The following WWOX variants were observed in gnomAD, a reference collection of about 807,000 sequenced individuals.
The protein encoded by WWOX is WW domain-containing oxidoreductase.
A neutral mutation model predicts 46.2 loss-of-function variants in WWOX; 69 were observed. The observed-to-expected ratio is 1.49, with a 90% confidence interval of 1.23 to 1.82. The LOEUF is 1.82. WWOX is among the 40% of genes most tolerant of loss of function. The pLI, the probability that WWOX is intolerant of heterozygous loss-of-function variation, is 0.00. For missense variants in WWOX, 919 were observed against 542.6 expected (o/e 1.69, Z -6.89); for synonymous variants, 359 against 202.6 (o/e 1.77, Z -6.56).
intron 8 of WWOX, among the ~76,000 whole-genome samples, chr16:78,732,657 T>C (rs922325899): frequency 6.6e-6 from 1 of 152,184 alleles, no homozygotes; most frequent in Non-Finnish European, 1.5e-5. Flanking sequence ...ACTGTATACT[T>C]AACTAACCAC....
At chr16:78,590,134 A>G (rs535126290) in intron 8 of WWOX, among the ~76,000 whole-genome samples, 1 of 89,964 alleles carries the variant, frequency 1.1e-5, no homozygotes, top group African/African-American at 4.2e-5. Context: ...TCTGATAGAT[A>G]TTAGGCATTC....
At position 78,764,873 on chromosome 16, in the gene WWOX, A is replaced by C. The variant is rs572045087; in HGVS notation, c.1056+332121A>C. 2.0e-5 allele frequency among the ~76,000 whole-genome samples: 3 copies of C among 152,206 alleles called. No individual in the cohort carries two copies. In the South Asian group the frequency reaches 6.2e-4, roughly 32 times the overall value. On this transcript the variant is annotated intron_variant, in intron 8 of 8. Coordinates refer to ENST00000566780, the MANE Select transcript of WWOX (RefSeq NM_016373.4). ...TTGTTGAGTTTACTATGGATATAAC[A>C]CTTGTTCTTTTTTAAAATAACTTTT...
chr16:78,666,308 A>G (rs551798825), intron 8 of WWOX, among the ~76,000 whole-genome samples: 27 of 152,060 alleles, frequency 1.8e-4, no homozygotes, highest in African/African-American at 5.8e-4. Context: ...AAATAAATAA[A>G]TTAAAAAGAC....
intron 8 of WWOX, among the ~76,000 whole-genome samples, chr16:78,685,637 G>C (rs937922407): frequency 1.3e-5 from 2 of 152,230 alleles, no homozygotes; most frequent in Non-Finnish European, 1.5e-5. Flanking sequence ...TGTTTTGCTT[G>C]TGTGGTGCTA....
At chr16:78,719,436 G>A (rs2048642570) in intron 8 of WWOX, among the ~76,000 whole-genome samples, 2 of 152,206 alleles carry the variant, frequency 1.3e-5, no homozygotes, top group Non-Finnish European at 2.9e-5. Context: ...CACAATTTCG[G>A]GTGGACTGTC....
intron 5 of WWOX, among the ~76,000 whole-genome samples, chr16:78,354,312 CTTT>C (rs55635025): frequency 8.1e-6 from 1 of 123,306 alleles, no homozygotes. Flanking sequence ...ATGTGCTTAA[CTTT>C]TTTTTTTTTT....
rs1383990218 is a variant in WWOX at position 78,342,921 on chromosome 16, A to G, written c.517-43939A>G. Among the ~76,000 whole-genome samples, 4 of 120,674 alleles carry G rather than the reference A, an allele frequency of 3.3e-5. 2 individuals are homozygous for G. The highest frequency in any genetic ancestry group is 4.0e-5 in the Non-Finnish European group (2 of 50,496). 79.2% of individuals were successfully genotyped at this position (120,674 alleles called of 152,430 possible). A position where few individuals can be genotyped will look rare whatever the true frequency, so the allele number is the denominator to read the frequency against. On this transcript the variant is annotated intron_variant, in intron 5 of 8. Transcript: ENST00000566780. The stretch of plus-strand genomic sequence containing the variant: ...TGAGTTCATTTCATGAAACTGAAGC[A>G]TCTTCTTGGAGATATAAGCTCACCT...
rs1220855233 is a variant in WWOX, at chr16:78,099,888, A to G, written c.107+3A>G. 2 of 1,560,362 alleles carry G rather than the reference A, an allele frequency of 1.3e-6. No homozygotes were observed. Among genetic ancestry groups the G allele is most frequent in the Admixed American group, 1.9e-5 (1 of 52,020 alleles). ...GACGGCTGGGTTTACTACGCCAAGT[A>G]AGGGGGCCGCAGTGGGGCCGCGGAC... On this transcript the variant is annotated splice_donor_region_variant and intron_variant, in intron 1 of 8. Coordinates refer to ENST00000566780, the MANE Select transcript of WWOX (RefSeq NM_016373.4).
chr16:78,332,643 CCTCT>C (rs1199325730), intron 5 of WWOX, among the ~76,000 whole-genome samples: 1 of 152,160 alleles, frequency 6.6e-6, no homozygotes, highest in African/African-American at 2.4e-5. Flanking sequence ...TGATGATTTT[CCTCT>C]CTGTCATTGT....
intron 8 of WWOX, among the ~76,000 whole-genome samples, chr16:78,714,852 G>A (rs1239304353): frequency 1.3e-5 from 2 of 152,152 alleles, no homozygotes; most frequent in Admixed American, 1.3e-4. Context: ...ACCAGTGAGT[G>A]GTTTTAAGCC....
At chr16:78,864,237 T>A (rs889615233) in intron 8 of WWOX, among the ~76,000 whole-genome samples, 52 of 152,180 alleles carry the variant, frequency 3.4e-4, no homozygotes, top group Non-Finnish European at 6.5e-4. Context: ...TATCTGAAGA[T>A]AATACAGAAT....
At chr16:78,633,038 G>C (rs1247520179) in intron 8 of WWOX, among the ~76,000 whole-genome samples, 1 of 152,056 alleles carries the variant, frequency 6.6e-6, no homozygotes, top group African/African-American at 2.4e-5. Context: ...TGAGGTGGGT[G>C]GATCACTTGA....
At chr16:78,364,040 C>T (rs960637525) in intron 5 of WWOX, among the ~76,000 whole-genome samples, 6 of 152,186 alleles carry the variant, frequency 3.9e-5, no homozygotes, top group African/African-American at 1.2e-4. Flanking sequence ...GGCCCCGTGC[C>T]ACATCCCCCC....
intron 8 of WWOX, chr16:78,898,107 AT>A (rs1386507242): frequency 6.6e-6 from 1 of 151,472 alleles, no homozygotes; most frequent in Non-Finnish European, 1.5e-5. Context: ...TGTCTTGTCT[AT>A]TTATTCCTTA....
chr16:78,747,597 C>G (rs74985009), intron 8 of WWOX, among the ~76,000 whole-genome samples: 2,688 of 152,254 alleles, frequency 0.018, 80 homozygotes, highest in African/African-American at 0.061. Flanking sequence ...ACTTAGCTAG[C>G]AAATGGTGGA....
chr16:78,143,733 C>T lies in WWOX; in HGVS notation c.410-20450C>T, dbSNP rs2034067677. 2.0e-5 allele frequency among the ~76,000 whole-genome samples: 3 copies of T among 148,360 alleles called. No homozygotes were observed. The Admixed American group carries it at 2.0e-4, about 10-fold the overall frequency. ...AATTATTAAGAAAACAAAGCTCATT[C>T]CTCTAAAAGAATTGGTATGTTTTTT... On this transcript the variant is annotated intron_variant, in intron 4 of 8. Coordinates refer to ENST00000566780, the MANE Select transcript of WWOX (RefSeq NM_016373.4).
At chr16:79,008,092 A>G (rs2047224670) in intron 8 of WWOX, among the ~76,000 whole-genome samples, 1 of 152,198 alleles carries the variant, frequency 6.6e-6, no homozygotes, top group Non-Finnish European at 1.5e-5. Flanking sequence ...GTCTTATCAG[A>G]GGCCCTTGGT....
At chr16:78,134,963 G>A (rs1004582075) in intron 4 of WWOX, among the ~76,000 whole-genome samples, 6 of 152,198 alleles carry the variant, frequency 3.9e-5, no homozygotes, top group Admixed American at 3.9e-4. Context: ...AAATGGTGCT[G>A]ATGGCACAGT....
At chr16:79,169,813 A>T (rs2050665554) in intron 8 of WWOX, among the ~76,000 whole-genome samples, 1 of 151,992 alleles carries the variant, frequency 6.6e-6, no homozygotes, top group Non-Finnish European at 1.5e-5. Context: ...GTTTTTCCTG[A>T]CTCTAAATAG....
Sources: gnomAD v4.1 joint callset for allele counts (sites outside exome capture counted in the v4.1 genomes callset) on GRCh38, gnomAD v4.1.1 for gene constraint, MANE v1.5 for transcripts, NCBI Gene and HGNC (gene_info 2026-07-23, HGNC 2026-07-21) for gene names.